The following GPAM variants were observed in gnomAD, a reference collection of about 807,000 sequenced individuals.
The protein encoded by GPAM is glycerol-3-phosphate acyltransferase, mitochondrial.
A neutral mutation model predicts 105.0 loss-of-function variants in GPAM; 56 were observed. That is an observed-to-expected ratio of 0.53 (90% CI 0.43 to 0.67). The LOEUF (loss-of-function observed/expected upper bound fraction) is 0.67, where lower values mean the gene tolerates loss of function less well. Among genes scored for constraint, GPAM ranks in the 30% least tolerant of loss-of-function variants. The pLI, the probability that GPAM is intolerant of heterozygous loss-of-function variation, is 0.00. For synonymous variants in GPAM, 368 were observed against 354.4 expected (o/e 1.04, Z -0.43); for missense variants, 855 against 989.8 (o/e 0.86, Z 1.83).
chr10:112,178,320 C>T (rs559323058), intron 4 of GPAM, among the ~76,000 whole-genome samples: 5 of 152,070 alleles, frequency 3.3e-5, no homozygotes, highest in Non-Finnish European at 5.9e-5. Context: ...GAGGCCGAAG[C>T]GGGCAGATCA....
At chr10:112,196,197 T>G (rs913284294) in intron 1 of GPAM, among the ~76,000 whole-genome samples, 3 of 152,180 alleles carry the variant, frequency 2.0e-5, no homozygotes, top group Admixed American at 2.0e-4. Context: ...TGTTTCTCCC[T>G]CAGAATCAGT....
chr10:112,181,612 T>A, intron 3 of GPAM, 71 bp downstream of exon 3: 3 of 843,710 alleles, frequency 3.6e-6, no homozygotes, highest in Non-Finnish European at 6.3e-6. Flanking sequence ...TGCCAGTATT[T>A]GCACCTTCAT....
intron 14 of GPAM, among the ~76,000 whole-genome samples, chr10:112,162,009 G>A (rs886167569): frequency 3.9e-5 from 6 of 152,138 alleles, no homozygotes; most frequent in African/African-American, 1.4e-4. Flanking sequence ...ACTGAATGAC[G>A]AAGAGACACT....
the GPAM span, among the ~76,000 whole-genome samples, chr10:112,223,429 C>T: frequency 6.6e-6 from 1 of 152,204 alleles, no homozygotes; most frequent in African/African-American, 2.4e-5. Context: ...TAACTCTTAT[C>T]CTAAAACAAA....
the GPAM span, among the ~76,000 whole-genome samples, chr10:112,222,540 G>A: frequency 6.6e-6 from 1 of 152,058 alleles, no homozygotes; most frequent in Non-Finnish European, 1.5e-5. Context: ...GTGAGCCTGG[G>A]GAAGGCTGAA....
intron 1 of GPAM, among the ~76,000 whole-genome samples, chr10:112,202,505 T>C (rs1847809483): frequency 2.6e-5 from 4 of 152,204 alleles, no homozygotes; most frequent in Admixed American, 2.6e-4. Context: ...GAAATTGAGT[T>C]CTAATAGGAA....
chr10:112,159,794 G>C, intron 17 of GPAM, 117 bp downstream of exon 17: 2 of 1,004,630 alleles, frequency 2.0e-6, no homozygotes, highest in Non-Finnish European at 1.6e-6. Context: ...TCCAGGAGTG[G>C]AATATAAAGT....
rs777641599 is a variant in GPAM at position 112,168,968 on chromosome 10, A to G, written c.795-16T>C. 6.3e-6 allele frequency: 9 copies of G among 1,422,408 alleles called. No individual in the cohort carries two copies. The highest frequency in any genetic ancestry group is 9.0e-6 in the Non-Finnish European group (9 of 1,004,948). 88.1% of individuals were successfully genotyped at this position (1,422,408 alleles called of 1,614,324 possible). A position where few individuals can be genotyped will look rare whatever the true frequency, so the allele number is the denominator to read the frequency against. ...GATCAAGGTACTATAAATTCAGAAT[A>G]CATGAATTATTTACAAAGAAAAATG... On this transcript the variant is annotated splice_polypyrimidine_tract_variant and intron_variant, in intron 9 of 21. Transcript: ENST00000348367.
the GPAM span, among the ~76,000 whole-genome samples, chr10:112,225,880 C>G: frequency 2.0e-5 from 3 of 152,132 alleles, no homozygotes; most frequent in Non-Finnish European, 1.5e-5. Context: ...GAATGCCTGG[C>G]ACAATAAATA....
chr10:112,213,891 A>G (rs75654614), intron 1 of GPAM, among the ~76,000 whole-genome samples: 7,031 of 152,258 alleles, frequency 0.046, 224 homozygotes, highest in African/African-American at 0.09. Context: ...AATGTTCCAA[A>G]AGAGCAGAGA....
Position 112,160,863 on chromosome 10 carries a change from A to G in GPAM, c.1500T>C (p.Ile500=). 1 of 1,613,436 alleles carries G rather than the reference A, an allele frequency of 6.2e-7. No homozygotes were observed. The highest frequency in any genetic ancestry group is 8.5e-7 in the Non-Finnish European group (1 of 1,179,574). The part of the protein sequence containing the change: ...CLLLYRHRQG[I]DLSTLVEDFF... ...AGTCTTCGACCAATGTGGAGAGATC[A>G]ATTCCCTAAAGAAAGATGGAAACGG... Residue 500 remains isoleucine, a synonymous_variant, in exon 16 of 22, where the codon ATT becomes ATC. Transcript: ENST00000348367.
chr10:112,184,018 C>G (rs188793592), upstream of GPAM, among the ~76,000 whole-genome samples: 13 of 152,286 alleles, frequency 8.5e-5, no homozygotes, highest in East Asian at 2.5e-3. Flanking sequence ...TTCAGCTTAT[C>G]CGGGAGCTTG....
Position 112,172,201 on chromosome 10 carries a change from G to A in GPAM, c.775C>T (p.Leu259Phe). The A allele has an allele frequency of 6.2e-7, 1 of 1,608,680 alleles. No homozygotes were observed. Among genetic ancestry groups the A allele is most frequent in the Non-Finnish European group, 8.5e-7 (1 of 1,175,170 alleles). The change falls in exon 9 of 22, where the codon CTC becomes TTC. Residue 259 changes from leucine (L) to phenylalanine (F), a missense_variant. Transcript: ENST00000348367. ...TCTTACCTGAAGATTGGGATGTTGA[G>A]ATTATTGCCTGAAGCAATGTATGGT... ...KAPYIASGNN[L>F]NIPIFSTLIH... is the part of the protein sequence containing the mutation.
At position 112,150,107 on chromosome 10, in the gene GPAM, G is replaced by A. The variant is rs1846888465; in HGVS notation, c.*3443C>T. ...TCTAGACGTTTAGAAATAAGGTCAA[G>A]AATCTCTTTCAAATGCAATCATTAG... On this transcript the variant is annotated 3_prime_UTR_variant, in exon 22 of 22. Coordinates refer to ENST00000348367, the MANE Select transcript of GPAM (RefSeq NM_001244949.2). The A allele has an allele frequency of 2.0e-6, 2 of 983,794 alleles. No individual in the cohort carries two copies. The highest frequency in any genetic ancestry group is 2.4e-6 in the Non-Finnish European group (2 of 828,458). The allele number at this position is 983,794 out of a possible 1,614,324, so 60.9% of individuals were successfully genotyped here.
chr10:112,170,136 T>C (rs188038848), intron 9 of GPAM, among the ~76,000 whole-genome samples: 1 of 152,302 alleles, frequency 6.6e-6, no homozygotes, highest in East Asian at 1.9e-4. Context: ...ACCCCCATGG[T>C]CTGTGGAAAT....
intron 12 of GPAM, among the ~76,000 whole-genome samples, 170 bp downstream of exon 12, chr10:112,166,232 C>T (rs1304107602): frequency 6.6e-6 from 1 of 152,106 alleles, no homozygotes; most frequent in African/African-American, 2.4e-5. Flanking sequence ...TGTCAATAGG[C>T]AAATTTTGTG....
intron 1 of GPAM, among the ~76,000 whole-genome samples, chr10:112,200,298 G>T (rs1436664119): frequency 1.4e-5 from 2 of 146,972 alleles, no homozygotes; most frequent in Non-Finnish European, 3.0e-5. Context: ...CTATACTGTT[G>T]ATCGTTTTTG....
chr10:112,183,230 T>G (rs1847539559), intron 1 of GPAM, among the ~76,000 whole-genome samples: 1 of 152,250 alleles, frequency 6.6e-6, no homozygotes, highest in South Asian at 2.1e-4. Context: ...CCTCCTGGAT[T>G]GTTGAGAGGA....
At chr10:112,172,591 T>C (rs748355263) in intron 8 of GPAM, among the ~76,000 whole-genome samples, 2 of 152,152 alleles carry the variant, frequency 1.3e-5, no homozygotes, top group Admixed American at 6.5e-5. Flanking sequence ...TCCACTGATA[T>C]AAAAAGAGCA....
Sources: gnomAD v4.1 joint callset for allele counts (sites outside exome capture counted in the v4.1 genomes callset) on GRCh38, gnomAD v4.1.1 for gene constraint, MANE v1.5 for transcripts, NCBI Gene and HGNC (gene_info 2026-07-23, HGNC 2026-07-21) for gene names.